C1orf35: variants seen among roughly 807,000 people sequenced by gnomAD.
C1orf35 encodes the protein multiple myeloma tumor-associated protein 2.
C1orf35 carries 36 observed loss-of-function variants against 30.9 expected under a neutral mutation model. The observed-to-expected ratio is 1.16, with a 90% confidence interval of 0.89 to 1.54. The LOEUF is 1.54. Ranked by LOEUF, C1orf35 falls within the 40% of genes most tolerant of loss-of-function variation. The pLI is 0.00. For synonymous variants in C1orf35, 179 were observed against 148.2 expected, an observed-to-expected ratio of 1.21 and a Z score of -1.51; for missense variants, 396 against 358.7, an observed-to-expected ratio of 1.10 and a Z score of -0.84.
Position 228,102,912 on chromosome 1 carries a change from G to A in C1orf35, c.232C>T (p.Leu78=). 2 of 1,484,462 alleles carry A rather than the reference G, an allele frequency of 1.3e-6. No homozygotes were observed. The highest frequency in any genetic ancestry group is 2.3e-5 in the Admixed American group (1 of 44,204). The allele number at this position is 1,484,462 out of a possible 1,614,324, so 92.0% of individuals were successfully genotyped here. A position where few individuals can be genotyped will look rare whatever the true frequency, so the allele number is the denominator to read the frequency against. Residue 78 remains leucine, a synonymous_variant, in exon 2 of 8, where the codon CTG becomes TTG. Coordinates refer to ENST00000272139, the MANE Select transcript of C1orf35 (RefSeq NM_024319.4). ...AAVREAEREA[L]LAALGYKNVK... is the part of the protein sequence containing the mutation. ...GCGGACACTCACAGGGCGGCCAGCA[G>A]CGCCTCGCGCTCCGCCTCCCGCACG... is the stretch of plus-strand genomic sequence containing the variant.
At position 228,102,570 on chromosome 1, in the gene C1orf35, C is replaced by A; in HGVS notation, c.292-10G>T. 6.4e-7 allele frequency: 1 copy of A among 1,568,804 alleles called. No individual in the cohort carries two copies. Among genetic ancestry groups the A allele is most frequent in the South Asian group, 1.2e-5 (1 of 86,320 alleles). The stretch of plus-strand genomic sequence containing the variant: ...AGACCTCCGCGAAGTCCTGCAGGTG[C>A]GAGAGCACAGGGAGCGCTCGAGTCG... On this transcript the variant is annotated splice_polypyrimidine_tract_variant and intron_variant, in intron 3 of 7. Transcript: ENST00000272139.
At chr1:228,102,844 C>T in intron 2 of C1orf35, 55 bp downstream of exon 2, 8 of 1,388,254 alleles carry the variant, frequency 5.8e-6, no homozygotes, top group Admixed American at 3.5e-5. Flanking sequence ...CCGGCCCCAC[C>T]CTGCCCCGGC....
At chr1:228,101,275 C>T (rs1366389500) in intron 7 of C1orf35, 21 bp from the exon 8 acceptor site, 2 of 1,614,108 alleles carry the variant, frequency 1.2e-6, no homozygotes, top group Non-Finnish European at 8.5e-7. Context: ...CAATGGCAGT[C>T]AGTCACTCGG....
Position 228,100,847 on chromosome 1 carries a change from A to G in C1orf35, c.*284T>C, listed in dbSNP as rs2032924649. 2.1e-6 allele frequency: 1 copy of G among 485,976 alleles called. No individual in the cohort carries two copies. The highest frequency in any genetic ancestry group is 3.7e-6 in the Non-Finnish European group (1 of 269,236). The allele number at this position is 485,976 out of a possible 1,614,324, so 30.1% of individuals were successfully genotyped here. A position where few individuals can be genotyped will look rare whatever the true frequency, so the allele number is the denominator to read the frequency against. ...GCCCATGGCTGCTGCAACCATGGGC[A>G]GGACACAGAGGGAGTCCAGCCTCTA... On this transcript the variant is annotated 3_prime_UTR_variant, in exon 8 of 8. Transcript: ENST00000272139.
Position 228,102,522 on chromosome 1 carries a change from G to C in C1orf35, c.330C>G (p.Pro110=), listed in dbSNP as rs377443672. 1,747 of 1,557,814 alleles carry C rather than the reference G, an allele frequency of 1.1e-3. 3 individuals carry two copies. The highest frequency in any genetic ancestry group is 1.4e-3 in the Non-Finnish European group (1,632 of 1,154,658). Residue 110 remains proline (P), a synonymous_variant, in exon 4 of 8, where the codon CCC becomes CCG. Transcript: ENST00000272139. ...GCAGCCGGTCCACGCCCTTCTCCTCGGGGTCGCCTCCTTCCCGCTTGCAGA... is the reference window on the plus strand; with the variant it reads ...GCAGCCGGTCCACGCCCTTCTCCTCCGGGTCGCCTCCTTCCCGCTTGCAGA... ...AEVCKREGGD[P]EEKGVDRLLG...
In C1orf35 at chr1:228,102,634, G is replaced by T; in HGVS notation, c.291+9C>A. The stretch of plus-strand genomic sequence containing the variant: ...GGCCCTCCACGCGCCCCCCACCCCG[G>T]GGAGTTACCTCCTTGCTCAGGCCCG... On this transcript the variant is annotated intron_variant, in intron 3 of 7. Transcript: ENST00000272139. The T allele has an allele frequency of 1.2e-6, 2 of 1,601,892 alleles. No individual in the cohort carries two copies. Among genetic ancestry groups the T allele is most frequent in the Non-Finnish European group, 8.5e-7 (1 of 1,176,134 alleles).
In C1orf35 at chr1:228,102,096, C is replaced by A; in HGVS notation, c.517G>T (p.Asp173Tyr). Residue 173 changes from aspartate (D) to tyrosine (Y), a missense_variant, in exon 6 of 8, where the codon GAT becomes TAT. By Grantham distance (160) the Asp-to-Tyr change is radical (BLOSUM62 -3). Coordinates refer to ENST00000272139, the MANE Select transcript of C1orf35 (RefSeq NM_024319.4). ...ASARRKPRAE[D>Y]QTESSCESHR... ...CAGCCTCACCTGCTTTCCGTCTGATCCTCCGCCCGCGGCTTCCTCCTGGCC... is the reference window on the plus strand; with the variant it reads ...CAGCCTCACCTGCTTTCCGTCTGATACTCCGCCCGCGGCTTCCTCCTGGCC... 1 of 1,581,788 alleles carries A rather than the reference C, an allele frequency of 6.3e-7. No homozygotes were observed. Among genetic ancestry groups the A allele is most frequent in the Admixed American group, 1.7e-5 (1 of 57,308 alleles).
In C1orf35 at chr1:228,100,789, C is replaced by A; in HGVS notation, c.*342G>T. 3.5e-6 allele frequency: 1 copy of A among 283,054 alleles called. No homozygotes were observed. The highest frequency in any genetic ancestry group is 2.2e-5 in the African/African-American group (1 of 46,264). The allele number at this position is 283,054 out of a possible 1,614,324, so 17.5% of individuals were successfully genotyped here. A position where few individuals can be genotyped will look rare whatever the true frequency, so the allele number is the denominator to read the frequency against. ...AGTCAATATAAAGAAAAATAGAGGT[C>A]ACCATACTTGGCCACAGTTAGACCG... On this transcript the variant is annotated 3_prime_UTR_variant, in exon 8 of 8. Transcript: ENST00000272139.
chr1:228,102,701 C>A lies in C1orf35; in HGVS notation c.246-13G>T. The A allele has an allele frequency of 6.2e-7, 1 of 1,603,616 alleles. No individual in the cohort carries two copies. The highest frequency in any genetic ancestry group is 1.1e-5 in the South Asian group (1 of 90,438). ...GTTCTTGTAGCCACTGCGAGAGGGCCGGGGCAGGCGTCAGGACGGACGGAC... is the reference window on the plus strand; with the variant it reads ...GTTCTTGTAGCCACTGCGAGAGGGCAGGGGCAGGCGTCAGGACGGACGGAC... On this transcript the variant is annotated splice_polypyrimidine_tract_variant and intron_variant, in intron 2 of 7. Coordinates refer to ENST00000272139, the MANE Select transcript of C1orf35 (RefSeq NM_024319.4).
rs774681996 is a variant in C1orf35 at position 228,101,215 on chromosome 1, G to T, written c.708C>A (p.Pro236=). 1.2e-6 allele frequency: 2 copies of T among 1,614,040 alleles called. No individual in the cohort carries two copies. Among genetic ancestry groups the T allele is most frequent in the Admixed American group, 1.7e-5 (1 of 60,006 alleles). Residue 236 remains proline (P), a synonymous_variant, in exon 8 of 8, where the codon CCC becomes CCA. Transcript: ENST00000272139. ...HHHHDSDSNS[P]CCKRRKRGHS... ...GTCCCCGCTTCCTCCTCTTACAGCA[G>T]GGGGAGTTGGAGTCGGAGTCATGGT... is the stretch of plus-strand genomic sequence containing the variant.
In C1orf35 at chr1:228,103,310, A is replaced by C; in HGVS notation, c.-83T>G. 6.7e-7 allele frequency: 1 copy of C among 1,490,526 alleles called. No homozygotes were observed. The highest frequency in any genetic ancestry group is 9.0e-7 in the Non-Finnish European group (1 of 1,108,630). 92.3% of individuals were successfully genotyped at this position (1,490,526 alleles called of 1,614,324 possible). On this transcript the variant is annotated 5_prime_UTR_variant, in exon 1 of 8. Transcript: ENST00000272139. ...GAGACCCGCTACCCACTACCGTCGGACCCAGGCCCGACCCCGCCTCCGCGT... is the reference window on the plus strand; with the variant it reads ...GAGACCCGCTACCCACTACCGTCGGCCCCAGGCCCGACCCCGCCTCCGCGT...
chr1:228,102,966 C>T lies in C1orf35; in HGVS notation c.178G>A (p.Gly60Ser). ...GCCAGTTCCTCCTCGCGGCTCGGGC[C>T]CGCGCATGGCGCCCGGCCCTTGGCG... ...WYAKGRAPCA[G>S]PSREEELAAV... The change falls in exon 2 of 8, where the codon GGC (glycine) becomes AGC (serine). Residue 60 changes from glycine to serine, a missense_variant. Coordinates refer to ENST00000272139, the MANE Select transcript of C1orf35 (RefSeq NM_024319.4). 2.6e-6 allele frequency: 4 copies of T among 1,526,772 alleles called. No homozygotes were observed. The Admixed American group carries it at 8.0e-5, about 30-fold the overall frequency. 94.6% of individuals were successfully genotyped at this position (1,526,772 alleles called of 1,614,324 possible). A position where few individuals can be genotyped will look rare whatever the true frequency, so the allele number is the denominator to read the frequency against.
intron 4 of C1orf35, 37 bp downstream of exon 4, chr1:228,102,441 A>G: frequency 6.3e-7 from 1 of 1,576,176 alleles, no homozygotes; most frequent in Non-Finnish European, 8.6e-7. Flanking sequence ...CGAGCAATCG[A>G]GCCCAGTGCT....
rs578122372 is a variant in C1orf35 at position 228,102,693 on chromosome 1, G to A, written c.246-5C>T. The A allele has an allele frequency of 3.7e-6, 6 of 1,606,114 alleles. No individual in the cohort carries two copies. Among genetic ancestry groups the A allele is most frequent in the Middle Eastern group, 1.8e-4 (1 of 5,680 alleles). ...TTCTTCACGTTCTTGTAGCCACTGC[G>A]AGAGGGCCGGGGCAGGCGTCAGGAC... On this transcript the variant is annotated splice_polypyrimidine_tract_variant and splice_region_variant and intron_variant, in intron 2 of 7. Coordinates refer to ENST00000272139, the MANE Select transcript of C1orf35 (RefSeq NM_024319.4).
At position 228,100,909 on chromosome 1, in the gene C1orf35, G is replaced by T; in HGVS notation, c.*222C>A. The T allele has an allele frequency of 3.1e-6, 2 of 644,970 alleles. No individual in the cohort carries two copies. Among genetic ancestry groups the T allele is most frequent in the Non-Finnish European group, 5.2e-6 (2 of 381,428 alleles). The allele number at this position is 644,970 out of a possible 1,614,324, so 40.0% of individuals were successfully genotyped here. A position where few individuals can be genotyped will look rare whatever the true frequency, so the allele number is the denominator to read the frequency against. The stretch of plus-strand genomic sequence containing the variant: ...GGGCAGGTTCACCTTCGCAGGCCAA[G>T]CCAGGGGCCATCCCTGGTATGCGAA... On this transcript the variant is annotated 3_prime_UTR_variant, in exon 8 of 8. Coordinates refer to ENST00000272139, the MANE Select transcript of C1orf35 (RefSeq NM_024319.4).
At chr1:228,102,801 G>GCGAC in intron 2 of C1orf35, 98 bp downstream of exon 2, 2 of 1,374,100 alleles carry the variant, frequency 1.5e-6, no homozygotes, top group Non-Finnish European at 1.9e-6. Flanking sequence ...CCGCAGCCCC[G>GCGAC]CTCCCGCCCA....
chr1:228,101,506 CTA>C, intron 6 of C1orf35, 33 bp from the exon 7 acceptor site: 1 of 1,607,360 alleles, frequency 6.2e-7, no homozygotes, highest in Non-Finnish European at 8.5e-7. Context: ...GCCTCAGACC[CTA>C]GTCTTGCAAG....
chr1:228,102,419 G>T, intron 4 of C1orf35, 37 bp from the exon 5 acceptor site: 1 of 1,594,920 alleles, frequency 6.3e-7, no homozygotes. Flanking sequence ...TACGGCAGGG[G>T]TCCGCCTCAC....
In C1orf35 at chr1:228,103,030, C is replaced by G; in HGVS notation, c.114G>C (p.Pro38=). 1.3e-6 allele frequency: 2 copies of G among 1,591,858 alleles called. No individual in the cohort carries two copies. The highest frequency in any genetic ancestry group is 1.7e-6 in the Non-Finnish European group (2 of 1,171,164). ...CGCGGCCCTTCTGCCAGCGGCCTACCGGCGCCATCAGCGAGTTGCCTGCGG... is the reference window on the plus strand; with the variant it reads ...CGCGGCCCTTCTGCCAGCGGCCTACGGGCGCCATCAGCGAGTTGCCTGCGG... ...ENYLGNSLMA[P]VGRWQKGRDL... The change falls in exon 2 of 8, where the codon CCG becomes CCC. Residue 38 remains proline (P), a synonymous_variant. Coordinates refer to ENST00000272139, the MANE Select transcript of C1orf35 (RefSeq NM_024319.4).
Sources: allele counts gnomAD v4.1 joint callset, GRCh38; gene constraint gnomAD v4.1.1; transcripts MANE v1.5; gene names NCBI Gene and HGNC (gene_info 2026-07-23, HGNC 2026-07-21).